Variants in NAV3 observed in about 807,000 individuals in gnomAD.
NAV3 encodes the protein pore membrane and/or filament interacting like protein 1.
NAV3 carries 87 observed loss-of-function variants against 244.7 expected under a neutral mutation model. The ratio of observed to expected loss-of-function variants is 0.36; its 90% CI spans 0.30 to 0.42. The LOEUF is 0.42. Ranked by LOEUF, NAV3 falls within the 20% of genes least tolerant of loss-of-function variation. NAV3 has a pLI of 1.00. For missense variants in NAV3, 2,663 were observed against 2,893.3 expected (o/e 0.92, Z 1.83); for synonymous variants, 1,126 against 1,042.2 (o/e 1.08, Z -1.55).
intron 2 of NAV3, among the ~76,000 whole-genome samples, chr12:77,784,416 A>C (rs1870811145): frequency 6.6e-6 from 1 of 152,228 alleles, no homozygotes; most frequent in South Asian, 2.1e-4. Context: ...AGAATCTGGA[A>C]AGAAGGCAAC....
chr12:77,747,537 A>G (rs11106521), intron 2 of NAV3, among the ~76,000 whole-genome samples: 51 of 152,330 alleles, frequency 3.3e-4, no homozygotes, highest in Non-Finnish European at 3.7e-4. Flanking sequence ...TACTGGGTAT[A>G]CACCCAAAGG....
intron 5 of NAV3, among the ~76,000 whole-genome samples, chr12:77,983,846 C>T (rs1451257584): frequency 6.6e-6 from 1 of 152,196 alleles, no homozygotes; most frequent in Non-Finnish European, 1.5e-5. Context: ...ACTTCGTCTT[C>T]TGAGACATTT....
chr12:78,150,895 A>C (rs1957057239), intron 22 of NAV3, among the ~76,000 whole-genome samples: 2 of 152,018 alleles, frequency 1.3e-5, no homozygotes, highest in Non-Finnish European at 2.9e-5. Context: ...CAAAGGGTGA[A>C]AACAGGTTCT....
chr12:77,631,539 G>A (rs1186901500), intron 2 of NAV3, among the ~76,000 whole-genome samples: 2 of 151,218 alleles, frequency 1.3e-5, no homozygotes, highest in Admixed American at 6.6e-5. Context: ...ATGCTATAGA[G>A]GAGACAGCAA....
At chr12:77,906,481 T>A (rs1456091654) in intron 1 of NAV3, among the ~76,000 whole-genome samples, 1 of 152,060 alleles carries the variant, frequency 6.6e-6, no homozygotes, top group Non-Finnish European at 1.5e-5. Context: ...GCATTTTATA[T>A]TTGAATGATA....
intron 2 of NAV3, among the ~76,000 whole-genome samples, chr12:77,691,121 G>T (rs1315118106): frequency 1.3e-5 from 2 of 150,392 alleles, no homozygotes; most frequent in Admixed American, 1.3e-4. Flanking sequence ...ACAAGAGGAG[G>T]TAACTACGAA....
chr12:77,744,707 A>T (rs1432129879), intron 2 of NAV3, among the ~76,000 whole-genome samples: 1 of 151,964 alleles, frequency 6.6e-6, no homozygotes, highest in East Asian at 1.9e-4. Flanking sequence ...TAGAGTATCA[A>T]ACCTCCCGTA....
At chr12:77,900,900 T>G (rs1462909886) in intron 1 of NAV3, among the ~76,000 whole-genome samples, 1 of 152,230 alleles carries the variant, frequency 6.6e-6, no homozygotes, top group East Asian at 1.9e-4. Flanking sequence ...ATCTGTAGTT[T>G]GTTGACTTTT....
Position 78,021,805 on chromosome 12 carries a change from A to G in NAV3, c.1966A>G (p.Thr656Ala), listed in dbSNP as rs2136817101. The G allele has an allele frequency of 6.2e-7, 1 of 1,611,682 alleles. No individual in the cohort carries two copies. The highest frequency in any genetic ancestry group is 8.5e-7 in the Non-Finnish European group (1 of 1,178,688). Residue 656 changes from threonine to alanine, a missense_variant, in exon 9 of 40, where the codon ACA becomes GCA. Transcript: ENST00000397909. ...LPSADSCTSP[T>A]KMDLSYSKTA... ...ATCGGCTGACTCCTGTACCAGTCCT[A>G]CAAAGATGGACTTATCATATAGTAA...
intron 3 of NAV3, among the ~76,000 whole-genome samples, chr12:77,955,130 A>G (rs1260040808): frequency 2.6e-5 from 4 of 152,092 alleles, no homozygotes; most frequent in African/African-American, 9.7e-5. Flanking sequence ...CTTCAAACTG[A>G]TTTGAAGGCT....
intron 2 of NAV3, among the ~76,000 whole-genome samples, chr12:77,741,148 C>CAAAAAAAAA: frequency 4.2e-3 from 290 of 68,342 alleles, no homozygotes; most frequent in African/African-American, 5.1e-3. Flanking sequence ...AAAAAAAAGA[C>CAAAAAAAAA]AAAAAAAAAA....
At chr12:77,611,698 A>AT (rs1420643849) in intron 2 of NAV3, among the ~76,000 whole-genome samples, 1 of 151,930 alleles carries the variant, frequency 6.6e-6, no homozygotes, top group Non-Finnish European at 1.5e-5. Context: ...CACAGTCTTA[A>AT]TTTTTCCTGA....
At chr12:77,986,451 A>G (rs565139850) in intron 5 of NAV3, among the ~76,000 whole-genome samples, 40 of 152,318 alleles carry the variant, frequency 2.6e-4, no homozygotes, top group African/African-American at 7.2e-4. Flanking sequence ...GAAACAATTC[A>G]AATACCAACT....
chr12:77,879,178 T>A (rs189734080), intron 1 of NAV3, among the ~76,000 whole-genome samples: 20 of 152,284 alleles, frequency 1.3e-4, no homozygotes, highest in African/African-American at 4.3e-4. Context: ...ATAGCTACCC[T>A]GCAAATTTCC....
chr12:77,822,468 T>C (rs1440349240), intron 2 of NAV3, among the ~76,000 whole-genome samples: 2 of 152,190 alleles, frequency 1.3e-5, no homozygotes, highest in Non-Finnish European at 2.9e-5. Flanking sequence ...AATACTTCTT[T>C]ATGCATCCAT....
Position 78,148,822 on chromosome 12 carries a change from A to AT in NAV3, c.4708-13dup, listed in dbSNP as rs3214877. On this transcript the variant is annotated intron_variant, in intron 21 of 39. Coordinates refer to ENST00000397909, the MANE Select transcript of NAV3 (RefSeq NM_001024383.2). Reference sequence around the variant, plus strand: ...AAAAATCTACTTGCCTATTCCATTGATTTTTTTAATTGCATTCAGCAAATC... The same window carrying AT: ...AAAAATCTACTTGCCTATTCCATTGATTTTTTTTAATTGCATTCAGCAAATC... 0.33 allele frequency: 521,145 copies of AT among 1,602,712 alleles called. 88,667 individuals carry two copies. Among genetic ancestry groups the AT allele is most frequent in the Admixed American group, 0.54 (31,597 of 58,804 alleles).
chr12:77,800,011 T>A (rs1283147002), intron 2 of NAV3, among the ~76,000 whole-genome samples: 1 of 152,178 alleles, frequency 6.6e-6, no homozygotes, highest in Non-Finnish European at 1.5e-5. Context: ...CTAAAATGTA[T>A]CATTTTCACC....
chr12:77,985,255 T>G (rs1258992812), intron 5 of NAV3, among the ~76,000 whole-genome samples: 1 of 152,096 alleles, frequency 6.6e-6, no homozygotes, highest in Non-Finnish European at 1.5e-5. Flanking sequence ...ACATCGGAGG[T>G]GGTCAATAAA....
chr12:78,199,249 GAATA>G, intron 36 of NAV3, 82 bp from the exon 37 acceptor site: 4 of 1,052,026 alleles, frequency 3.8e-6, no homozygotes, highest in Non-Finnish European at 5.6e-6. Context: ...AAGTAATAAT[GAATA>G]AATAAATAAT....
Sources: gnomAD v4.1 joint callset for allele counts (sites outside exome capture counted in the v4.1 genomes callset) on GRCh38, gnomAD v4.1.1 for gene constraint, MANE v1.5 for transcripts, NCBI Gene and HGNC (gene_info 2026-07-23, HGNC 2026-07-21) for gene names.